Variants in TAS2R1 observed in about 807,000 individuals in gnomAD.
TAS2R1 encodes the protein taste receptor type 2 member 1.
For missense variants in TAS2R1, 370 were observed against 353.4 expected, an observed-to-expected ratio of 1.05 and a Z score of -0.38; for synonymous variants, 141 against 134.2, an observed-to-expected ratio of 1.05 and a Z score of -0.35.
chr5:9,717,010 C>T (rs1030263154), upstream of TAS2R1, among the ~76,000 whole-genome samples: 1 of 152,166 alleles, frequency 6.6e-6, no homozygotes, highest in Non-Finnish European at 1.5e-5. Flanking sequence ...CAACAGAACT[C>T]TCACCACCTA....
chr5:9,719,944 A>AC, the TAS2R1 span, among the ~76,000 whole-genome samples: 1 of 148,572 alleles, frequency 6.7e-6, no homozygotes, highest in Non-Finnish European at 1.5e-5. Flanking sequence ...AAAAACAAAA[A>AC]CAAAAACAAA....
At chr5:9,860,538 C>A in the TAS2R1 span, among the ~76,000 whole-genome samples, 1 of 152,098 alleles carries the variant, frequency 6.6e-6, no homozygotes, top group Non-Finnish European at 1.5e-5. Context: ...CAGTCAGAAC[C>A]CTCTAGTTTC....
the TAS2R1 span, among the ~76,000 whole-genome samples, chr5:9,776,704 G>A: frequency 5.8e-4 from 89 of 152,202 alleles, no homozygotes; most frequent in Non-Finnish European, 9.9e-4. Flanking sequence ...CCTGCTTGAC[G>A]TGGAAAGTGG....
At chr5:9,742,159 A>G in the TAS2R1 span, among the ~76,000 whole-genome samples, 1 of 152,158 alleles carries the variant, frequency 6.6e-6, no homozygotes, top group Non-Finnish European at 1.5e-5. Context: ...AGCTGGGATT[A>G]CAGACGTGAG....
chr5:9,730,901 CTT>C, the TAS2R1 span, among the ~76,000 whole-genome samples: 5 of 152,192 alleles, frequency 3.3e-5, no homozygotes, highest in East Asian at 5.8e-4. Flanking sequence ...CTCATTCTCT[CTT>C]GTCTGCTGCC....
the TAS2R1 span, among the ~76,000 whole-genome samples, chr5:9,859,319 A>G: frequency 6.6e-6 from 1 of 152,242 alleles, no homozygotes; most frequent in Non-Finnish European, 1.5e-5. Context: ...TTTAGATGTT[A>G]GTCTGCAGAA....
chr5:9,629,300 C>T lies in TAS2R1; in HGVS notation c.733G>A (p.Val245Ile), dbSNP rs773467662. 1 of 1,613,340 alleles carries T rather than the reference C, an allele frequency of 6.2e-7. No homozygotes were observed. The highest frequency in any genetic ancestry group is 1.3e-5 in the African/African-American group (1 of 74,818). The stretch of plus-strand genomic sequence containing the variant: ...TGAAACTTTAGAGAAGAGAGAAAAA[C>T]TTTTATCATGCAGTGGGAGAAGTAG... Reference protein sequence around the residue: ...ILYFSHCMIKVFLSSLKFHIR... With the variant: ...ILYFSHCMIKIFLSSLKFHIR... Residue 245 changes from valine (V) to isoleucine (I), a missense_variant, in exon 1 of 1, where the codon GTT (valine) becomes ATT (isoleucine). Coordinates refer to ENST00000382492, the MANE Select transcript of TAS2R1 (RefSeq NM_019599.3).
intron 1 of TAS2R1, among the ~76,000 whole-genome samples, chr5:9,661,226 C>T (rs1740526664): frequency 6.6e-6 from 1 of 152,196 alleles, no homozygotes; most frequent in Non-Finnish European, 1.5e-5. Flanking sequence ...TCTTTCTAGC[C>T]ACAGCCTCTT....
At chr5:9,658,672 T>C (rs928062236) in intron 2 of TAS2R1, 1 of 152,226 alleles carries the variant, frequency 6.6e-6, no homozygotes, top group African/African-American at 2.4e-5. Flanking sequence ...CAAATTAATT[T>C]ACCCCAAATG....
the TAS2R1 span, among the ~76,000 whole-genome samples, chr5:9,752,105 A>C: frequency 1.3e-5 from 2 of 152,360 alleles, no homozygotes; most frequent in South Asian, 4.1e-4. Flanking sequence ...CGATACCCAC[A>C]GGCATACATC....
the TAS2R1 span, among the ~76,000 whole-genome samples, chr5:9,758,723 C>T: frequency 6.6e-6 from 1 of 152,210 alleles, no homozygotes; most frequent in African/African-American, 2.4e-5. Context: ...TAAACTTCTA[C>T]AGCCACTTGG....
At chr5:9,708,477 T>G (rs947800837) in intron 1 of TAS2R1, among the ~76,000 whole-genome samples, 1 of 152,210 alleles carries the variant, frequency 6.6e-6, no homozygotes, top group East Asian at 1.9e-4. Flanking sequence ...CATAAGGCAA[T>G]GGATTTTTGT....
intron 2 of TAS2R1, among the ~76,000 whole-genome samples, chr5:9,639,429 GT>G (rs1314328515): frequency 1.3e-5 from 2 of 152,176 alleles, no homozygotes; most frequent in Non-Finnish European, 2.9e-5. Context: ...TCAAAGGTAG[GT>G]TTTCCTCCTA....
At chr5:9,805,735 A>G in the TAS2R1 span, among the ~76,000 whole-genome samples, 1 of 152,258 alleles carries the variant, frequency 6.6e-6, no homozygotes, top group Admixed American at 6.5e-5. Flanking sequence ...TTAGCATAGA[A>G]GGGACATACC....
the TAS2R1 span, among the ~76,000 whole-genome samples, chr5:9,819,370 A>T: frequency 7.9e-5 from 12 of 152,224 alleles, no homozygotes; most frequent in Non-Finnish European, 7.3e-5. Flanking sequence ...ATGCGAGCTT[A>T]ATTTTTTTAA....
At chr5:9,782,657 A>G in the TAS2R1 span, among the ~76,000 whole-genome samples, 2 of 152,208 alleles carry the variant, frequency 1.3e-5, no homozygotes, top group Non-Finnish European at 2.9e-5. Context: ...GGGCGCATTA[A>G]CCACAAACTA....
At chr5:9,863,598 G>A in the TAS2R1 span, among the ~76,000 whole-genome samples, 3 of 152,126 alleles carry the variant, frequency 2.0e-5, no homozygotes, top group Non-Finnish European at 1.5e-5. Flanking sequence ...TGAGGCTGCA[G>A]ACTTGCTTTT....
chr5:9,660,225 A>ATTT (rs35208333), intron 1 of TAS2R1, among the ~76,000 whole-genome samples: 5 of 88,816 alleles, frequency 5.6e-5, no homozygotes, highest in South Asian at 4.5e-4. Flanking sequence ...CTCCCGGCTA[A>ATTT]TTTTTTTTTT....
chr5:9,700,616 C>T lies in TAS2R1; in HGVS notation c.-242+11556G>A, dbSNP rs558349408. Among the ~76,000 whole-genome samples the T allele has an allele frequency of 4.6e-5, 7 of 152,236 alleles. No individual in the cohort carries two copies. In the East Asian group the frequency reaches 7.7e-4, roughly 17 times the overall value. ...TAATGCGCTTGCTTGCTAGGACACCCGTAACAAAGTACCACAGATGGAGTG... is the reference window on the plus strand; with the variant it reads ...TAATGCGCTTGCTTGCTAGGACACCTGTAACAAAGTACCACAGATGGAGTG... On this transcript the variant is annotated intron_variant, in intron 1 of 2. Coordinates refer to the TAS2R1 transcript ENST00000506620.
Sources: gnomAD v4.1 joint callset for allele counts (sites outside exome capture counted in the v4.1 genomes callset) on GRCh38, gnomAD v4.1.1 for gene constraint, MANE v1.5 for transcripts, NCBI Gene and HGNC (gene_info 2026-07-23, HGNC 2026-07-21) for gene names.